Variants in NPAS3 observed in about 807,000 individuals in gnomAD.
NPAS3 encodes neuronal PAS domain-containing protein 3.
Under a neutral mutation model 73.1 loss-of-function variants are expected in NPAS3, and 14 were observed. The observed-to-expected ratio is 0.19, with a 90% CI of 0.13 to 0.30. NPAS3 has a LOEUF of 0.30. Among genes scored for constraint, NPAS3 ranks in the 10% least tolerant of loss-of-function variants. The probability of loss-of-function intolerance (pLI) is 1.00; values close to 1 mark genes in which losing one functional copy is unlikely to be tolerated. For synonymous variants in NPAS3, 620 were observed against 541.5 expected, an observed-to-expected ratio of 1.14 and a Z score of -2.01; for missense variants, 1,096 against 1,250.0, an observed-to-expected ratio of 0.88 and a Z score of 1.86.
chr14:33,570,834 G>A (rs1350112565), intron 5 of NPAS3, among the ~76,000 whole-genome samples: 2 of 152,156 alleles, frequency 1.3e-5, no homozygotes, highest in Admixed American at 6.5e-5. Flanking sequence ...ATCAGATAGT[G>A]CCTTTTAAAA....
chr14:33,339,538 C>T (rs1010635836), intron 3 of NPAS3, among the ~76,000 whole-genome samples: 14 of 152,190 alleles, frequency 9.2e-5, no homozygotes, highest in Non-Finnish European at 1.8e-4. Flanking sequence ...ATACTCTGGT[C>T]TAATCATCTT....
chr14:33,374,917 G>A (rs993043676), intron 4 of NPAS3, among the ~76,000 whole-genome samples: 20 of 152,128 alleles, frequency 1.3e-4, no homozygotes, highest in African/African-American at 4.8e-4. Flanking sequence ...ACATTTGATG[G>A]TAGTGTTTTC....
chr14:33,321,774 ATTATT>A (rs748170498), intron 3 of NPAS3, among the ~76,000 whole-genome samples: 4 of 152,100 alleles, frequency 2.6e-5, no homozygotes, highest in African/African-American at 7.2e-5. Context: ...TATTCCTATT[ATTATT>A]TTATTTAGGT....
At chr14:33,525,765 A>C (rs2053770677) in intron 4 of NPAS3, among the ~76,000 whole-genome samples, 1 of 152,132 alleles carries the variant, frequency 6.6e-6, no homozygotes, top group Admixed American at 6.6e-5. Flanking sequence ...GAACCAAATT[A>C]TTGGCCACTA....
chr14:33,719,923 G>A (rs1167168473), intron 6 of NPAS3, among the ~76,000 whole-genome samples: 1 of 152,068 alleles, frequency 6.6e-6, no homozygotes, highest in Non-Finnish European at 1.5e-5. Context: ...GGCATCATTG[G>A]CAGATAATAA....
intron 4 of NPAS3, among the ~76,000 whole-genome samples, chr14:33,506,195 G>T (rs1324955770): frequency 6.6e-6 from 1 of 151,712 alleles, no homozygotes; most frequent in Non-Finnish European, 1.5e-5. Context: ...AACACAATAC[G>T]GGCTTTATAA....
At chr14:33,046,918 G>T (rs1036652410) in intron 1 of NPAS3, among the ~76,000 whole-genome samples, 1 of 152,152 alleles carries the variant, frequency 6.6e-6, no homozygotes, top group Non-Finnish European at 1.5e-5. Flanking sequence ...AGGTTGCAGT[G>T]AGCCGAGATT....
At chr14:33,474,964 C>T (rs2050951990) in intron 4 of NPAS3, among the ~76,000 whole-genome samples, 2 of 152,062 alleles carry the variant, frequency 1.3e-5, no homozygotes. Context: ...AAAACTGAGC[C>T]TCAGAGAGAT....
intron 2 of NPAS3, among the ~76,000 whole-genome samples, chr14:33,113,754 A>G (rs2042972419): frequency 6.6e-6 from 1 of 152,162 alleles, no homozygotes. Flanking sequence ...CCAGCTTTCA[A>G]AGGGAATGCT....
At chr14:33,666,670 G>GGAGAGAGAAGAAAAACACA (rs1257681234) in intron 5 of NPAS3, among the ~76,000 whole-genome samples, 18 of 152,036 alleles carry the variant, frequency 1.2e-4, no homozygotes, top group South Asian at 2.1e-4. Flanking sequence ...ATTTGACTTT[G>GGAGAGAGAAGAAAAACACA]TATGTGTTTT....
chr14:33,138,256 T>C (rs913643960), intron 2 of NPAS3, among the ~76,000 whole-genome samples: 3 of 139,064 alleles, frequency 2.2e-5, no homozygotes, highest in Non-Finnish European at 4.6e-5. Flanking sequence ...TTCCTGAGTC[T>C]ATCACTTTCT....
chr14:33,405,913 G>C lies in NPAS3; in HGVS notation c.468+38645G>C, dbSNP rs148579503. On this transcript the variant is annotated intron_variant, in intron 4 of 11. Transcript: ENST00000356141. ...TCAATGTCTTAATTGAGTCTATTAGGAACCACTTTATTTTTGTTTTGTATT... is the reference window on the plus strand; with the variant it reads ...TCAATGTCTTAATTGAGTCTATTAGCAACCACTTTATTTTTGTTTTGTATT... Among the ~76,000 whole-genome samples the C allele has an allele frequency of 9.7e-4, 147 of 152,130 alleles. 3 individuals are homozygous for C. The East Asian group carries it at 0.024, about 25-fold the overall frequency.
intron 5 of NPAS3, among the ~76,000 whole-genome samples, chr14:33,632,649 C>T (rs1440861002): frequency 6.6e-6 from 1 of 152,110 alleles, no homozygotes; most frequent in Non-Finnish European, 1.5e-5. Flanking sequence ...AAGTCCAGTT[C>T]GTAATGCACA....
intron 5 of NPAS3, among the ~76,000 whole-genome samples, chr14:33,570,536 C>T (rs2056163462): frequency 6.6e-6 from 1 of 152,156 alleles, no homozygotes; most frequent in Non-Finnish European, 1.5e-5. Flanking sequence ...TTTTCCGGCT[C>T]ATTAATTAAA....
intron 6 of NPAS3, among the ~76,000 whole-genome samples, chr14:33,712,595 C>T (rs2060850339): frequency 6.6e-6 from 1 of 152,114 alleles, no homozygotes; most frequent in African/African-American, 2.4e-5. Context: ...TTTAAATCAC[C>T]ACTGCCTCTG....
chr14:33,591,059 G>C (rs903641963), intron 5 of NPAS3, among the ~76,000 whole-genome samples: 3 of 152,162 alleles, frequency 2.0e-5, no homozygotes, highest in African/African-American at 7.2e-5. Flanking sequence ...ACGTTGTGGA[G>C]GGAAGTGCTT....
chr14:33,668,334 A>ATTGT (rs930583555), intron 5 of NPAS3, among the ~76,000 whole-genome samples: 1 of 152,152 alleles, frequency 6.6e-6, no homozygotes, highest in East Asian at 1.9e-4. Flanking sequence ...TGTGCATTTT[A>ATTGT]TTGTTTATTA....
At chr14:33,089,293 G>T (rs2042142525) in intron 2 of NPAS3, among the ~76,000 whole-genome samples, 1 of 152,212 alleles carries the variant, frequency 6.6e-6, no homozygotes, top group Non-Finnish European at 1.5e-5. Context: ...CCAGTGTGGA[G>T]AAGTCCTTAA....
Position 33,800,328 on chromosome 14 carries a change from C to G in NPAS3, c.2021C>G (p.Ser674Cys). Residue 674 changes from serine (S) to cysteine (C), a missense_variant, in exon 12 of 12, where the codon TCC becomes TGC. Physicochemically the swap from Ser to Cys is moderately radical, Grantham distance 112. Coordinates refer to ENST00000356141, the Ensembl canonical transcript of NPAS3. This position sits in a 1 kb window ranked among gnomAD's most constrained non-coding sequence, Gnocchi z 6.5. ...AACTACCCGCCCAACCGGGAGATCT[C>G]CAGGAACGAGTCCCCCTACAGCATG... The G allele has an allele frequency of 6.2e-7, 1 of 1,613,342 alleles. No homozygotes were observed. The highest frequency in any genetic ancestry group is 1.1e-5 in the South Asian group (1 of 91,048).
Sources: allele counts gnomAD v4.1 joint callset (sites outside exome capture counted in the v4.1 genomes callset), GRCh38; gene constraint gnomAD v4.1.1; non-coding constraint Gnocchi (gnomAD v3.1); transcripts MANE v1.5; gene names NCBI Gene and HGNC (gene_info 2026-07-23, HGNC 2026-07-21).